ATP6V1B1: variants seen among roughly 807,000 people sequenced by gnomAD.
ATP6V1B1 encodes ATPase H+ transporting V1 subunit B1.
In ATP6V1B1, 41 loss-of-function variants were observed where a neutral mutation model predicts 62.1. The ratio of observed to expected loss-of-function variants is 0.66; its 90% CI spans 0.51 to 0.86. The LOEUF is 0.86. Among genes scored for constraint, ATP6V1B1 ranks in the 40% least tolerant of loss-of-function variants. The probability of loss-of-function intolerance (pLI) is 0.00; values close to 1 mark genes in which losing one functional copy is unlikely to be tolerated. For synonymous variants in ATP6V1B1, 253 were observed against 273.4 expected, an observed-to-expected ratio of 0.93 and a Z score of 0.74; for missense variants, 651 against 697.5, an observed-to-expected ratio of 0.93 and a Z score of 0.75.
At chr2:70,953,863 A>G (rs1357390288) in intron 2 of ATP6V1B1, among the ~76,000 whole-genome samples, 2 of 152,148 alleles carry the variant, frequency 1.3e-5, no homozygotes, top group Non-Finnish European at 2.9e-5. Flanking sequence ...CTGGCTTTCA[A>G]TATCATTTTC....
intron 1 of ATP6V1B1, among the ~76,000 whole-genome samples, chr2:70,937,544 A>G (rs1247221716): frequency 6.6e-6 from 1 of 151,964 alleles, no homozygotes; most frequent in Non-Finnish European, 1.5e-5. Context: ...CAAGGCCCAG[A>G]AATATGCAGT....
chr2:70,961,346 C>A lies in ATP6V1B1; in HGVS notation c.688-250C>A, dbSNP rs145305549. ...GGCGACAGGAGGGGCAGGGATGGCA[C>A]TGAGCAGAGCTGGACTTAAAGAAGT... On this transcript the variant is annotated intron_variant, in intron 7 of 13. Coordinates refer to ENST00000234396, the MANE Select transcript of ATP6V1B1 (RefSeq NM_001692.4). Among the ~76,000 whole-genome samples the A allele has an allele frequency of 2.4e-4, 37 of 152,324 alleles. 1 individual carries two copies. In the East Asian group the frequency reaches 3.9e-3, roughly 16 times the overall value.
chr2:70,944,255 G>T (rs1558670154), intron 2 of ATP6V1B1: 4 of 1,283,076 alleles, frequency 3.1e-6, no homozygotes, highest in Non-Finnish European at 4.1e-6. Context: ...CCCACCAAAG[G>T]TAAGTGGGCT....
At chr2:70,960,457 G>T (rs1553419852) in intron 6 of ATP6V1B1, among the ~76,000 whole-genome samples, 1 of 152,162 alleles carries the variant, frequency 6.6e-6, no homozygotes, top group Non-Finnish European at 1.5e-5. Flanking sequence ...AAGGTCTCTA[G>T]ATGCTCCTCC....
Position 70,958,400 on chromosome 2 carries a change from G to C in ATP6V1B1, c.341G>C (p.Arg114Pro). ...TGCGAATTTACAGGGGACATCCTAC[G>C]AACTCCGGTGTCAGAGGACATGCTG... ...TTCEFTGDIL[R>P]TPVSEDMLGR... The change falls in exon 4 of 14, where the codon CGA (arginine) becomes CCA (proline). Residue 114 changes from arginine (R) to proline (P), a missense_variant. Coordinates refer to ENST00000234396, the MANE Select transcript of ATP6V1B1 (RefSeq NM_001692.4). 1.9e-6 allele frequency: 3 copies of C among 1,596,490 alleles called. No individual in the cohort carries two copies. Among genetic ancestry groups the C allele is most frequent in the Non-Finnish European group, 2.6e-6 (3 of 1,169,864 alleles).
rs782226700 is a variant in ATP6V1B1 at position 70,958,040 on chromosome 2, T to G, written c.175-6T>G. ...CTGTCACGTGGCTGCTCTCCCCTCC[T>G]GCCAGTTTGCCCAGTATGCGGAGAT... On this transcript the variant is annotated splice_polypyrimidine_tract_variant and splice_region_variant and intron_variant, in intron 2 of 13. Coordinates refer to ENST00000234396, the MANE Select transcript of ATP6V1B1 (RefSeq NM_001692.4). 28 of 1,613,332 alleles carry G rather than the reference T, an allele frequency of 1.7e-5. No homozygotes were observed. In the South Asian group the frequency reaches 3.1e-4, roughly 18 times the overall value.
Position 70,961,691 on chromosome 2 carries a change from C to T in ATP6V1B1, c.783C>T (p.Pro261=), listed in dbSNP as rs782205270. 4 of 1,614,040 alleles carry T rather than the reference C, an allele frequency of 2.5e-6. No homozygotes were observed. In the East Asian group the frequency reaches 8.9e-5, roughly 36 times the overall value. Residue 261 remains proline, a splice_region_variant and synonymous_variant, in exon 8 of 14, where the codon CCC becomes CCT. Transcript: ENST00000234396. ...TCTTCCTGAACTTGGCCAATGACCC[C>T]ACGTGAGCTTTCCCTGATGCCCAAA... ...VCLFLNLAND[P]TIERIITPRL...
In ATP6V1B1 at chr2:70,958,512, T is replaced by A. The variant is rs977829216; in HGVS notation, c.367+86T>A. 7.2e-6 allele frequency: 9 copies of A among 1,247,846 alleles called. No individual in the cohort carries two copies. In the South Asian group the frequency reaches 1.1e-4, roughly 16 times the overall value. The allele number at this position is 1,247,846 out of a possible 1,614,324, so 77.3% of individuals were successfully genotyped here. On this transcript the variant is annotated intron_variant, in intron 4 of 13. Transcript: ENST00000234396. ...TGACCAAACCCTCAGCACACTACACTGTCACTTCCTGTTTACTTCCTGCCT... is the reference window on the plus strand; with the variant it reads ...TGACCAAACCCTCAGCACACTACACAGTCACTTCCTGTTTACTTCCTGCCT...
chr2:70,945,733 TATATATATAGTTGTTAACTACAGTCATC>T (rs1553417224), intron 2 of ATP6V1B1, among the ~76,000 whole-genome samples: 1 of 136,330 alleles, frequency 7.3e-6, no homozygotes, highest in African/African-American at 2.8e-5. Context: ...TATATATATA[TATATATATAGTTGTTAACTACAGTCATC>T]CTATTGTGGT....
chr2:70,957,894 T>TTTCACA, intron 2 of ATP6V1B1, 152 bp from the exon 3 acceptor site: 2 of 767,044 alleles, frequency 2.6e-6, no homozygotes, highest in Non-Finnish European at 2.2e-6. Context: ...GAATTCAAAC[T>TTTCACA]TTCACTTCCC....
At chr2:70,964,367 G>A in intron 11 of ATP6V1B1, 71 bp from the exon 12 acceptor site, 2 of 1,519,380 alleles carry the variant, frequency 1.3e-6, no homozygotes. Context: ...CTTCTCCTGA[G>A]AACAATTTGG....
intron 2 of ATP6V1B1, among the ~76,000 whole-genome samples, chr2:70,955,464 C>T (rs137906173): frequency 6.6e-6 from 1 of 152,258 alleles, no homozygotes; most frequent in East Asian, 1.9e-4. Flanking sequence ...AAACCTCATG[C>T]CCATTAGTCC....
chr2:70,943,761 C>A, intron 2 of ATP6V1B1, 48 bp downstream of exon 2: 1 of 1,604,122 alleles, frequency 6.2e-7, no homozygotes, highest in Non-Finnish European at 8.5e-7. Context: ...AATCCCAGGG[C>A]GCCTCTCCCC....
At position 70,965,071 on chromosome 2, in the gene ATP6V1B1, T is replaced by C; in HGVS notation, c.1492T>C (p.Tyr498His). 2 of 1,613,316 alleles carry C rather than the reference T, an allele frequency of 1.2e-6. No individual in the cohort carries two copies. Among genetic ancestry groups the C allele is most frequent in the African/African-American group, 1.3e-5 (1 of 75,062 alleles). ...RIPQAVIDEFYSREGALQDLA... is the reference protein window; with the variant it reads ...RIPQAVIDEFHSREGALQDLA... ...TCCGCAGGCCGTGATCGACGAGTTC[T>C]ATTCCCGCGAGGGGGCGCTGCAGGA... The change falls in exon 14 of 14, where the codon TAT becomes CAT. Residue 498 changes from tyrosine (Y) to histidine (H), a missense_variant. Tyr to His is a moderately conservative substitution (Grantham distance 83). Coordinates refer to ENST00000234396, the MANE Select transcript of ATP6V1B1 (RefSeq NM_001692.4).
Position 70,963,490 on chromosome 2 carries a change from G to A in ATP6V1B1, c.1061-82G>A. 1 of 1,542,890 alleles carries A rather than the reference G, an allele frequency of 6.5e-7. No individual in the cohort carries two copies. ...CCCCACACATCCCTATCACTCCCAT[G>A]AGGGAAACAGACCCCAGGTGGCCCT... is the stretch of plus-strand genomic sequence containing the variant. On this transcript the variant is annotated intron_variant, in intron 10 of 13. Transcript: ENST00000234396. This position sits in a 1 kb window ranked among gnomAD's most constrained non-coding sequence, Gnocchi z 4.3.
chr2:70,943,923 C>T, intron 2 of ATP6V1B1: 1 of 888,674 alleles, frequency 1.1e-6, no homozygotes, highest in Non-Finnish European at 1.3e-6. Flanking sequence ...TCAGTAAAAA[C>T]CATAAAAACC....
At chr2:70,956,332 G>T in intron 2 of ATP6V1B1, 1 of 165,220 alleles carries the variant, frequency 6.1e-6, no homozygotes. Context: ...TACTGCCATA[G>T]CCCCATTCCA....
intron 1 of ATP6V1B1, chr2:70,939,447 G>C (rs1474447046): frequency 6.6e-6 from 1 of 152,344 alleles, no homozygotes; most frequent in Non-Finnish European, 1.5e-5. Context: ...GGGTTGCAGA[G>C]TGGGCCATAA....
intron 1 of ATP6V1B1, among the ~76,000 whole-genome samples, chr2:70,938,298 G>C (rs1679907562): frequency 1.3e-5 from 2 of 152,148 alleles, no homozygotes; most frequent in Admixed American, 6.5e-5. Context: ...GACAGGCGCA[G>C]GGCTGGCAAG....
Sources: allele counts gnomAD v4.1 joint callset (sites outside exome capture counted in the v4.1 genomes callset), GRCh38; gene constraint gnomAD v4.1.1; non-coding constraint Gnocchi (gnomAD v3.1); transcripts MANE v1.5; gene names NCBI Gene and HGNC (gene_info 2026-07-23, HGNC 2026-07-21).